Variants in MTHFD1L observed in about 807,000 individuals in gnomAD.
The protein encoded by MTHFD1L is methylenetetrahydrofolate dehydrogenase (NADP+ dependent) 1 like.
Under a neutral mutation model 119.5 loss-of-function variants are expected in MTHFD1L, and 81 were observed. The observed-to-expected ratio is 0.68, with a 90% CI of 0.57 to 0.82. The LOEUF (loss-of-function observed/expected upper bound fraction) is 0.82, where lower values mean the gene tolerates loss of function less well. Among genes scored for constraint, MTHFD1L ranks in the 40% least tolerant of loss-of-function variants. MTHFD1L has a pLI of 0.00. For synonymous variants in MTHFD1L, 430 were observed against 475.2 expected, an observed-to-expected ratio of 0.90 and a Z score of 1.24; for missense variants, 1,125 against 1,253.4, an observed-to-expected ratio of 0.90 and a Z score of 1.55.
chr6:151,045,620 G>A (rs182753314), intron 26 of MTHFD1L, among the ~76,000 whole-genome samples: 49 of 152,326 alleles, frequency 3.2e-4, no homozygotes, highest in Middle Eastern at 3.4e-3. Flanking sequence ...CCATGAGCCT[G>A]TCCTCTCCAT....
At chr6:150,911,023 A>G (rs1786794389) in intron 8 of MTHFD1L, among the ~76,000 whole-genome samples, 1 of 152,144 alleles carries the variant, frequency 6.6e-6, no homozygotes, top group African/African-American at 2.4e-5. Context: ...AATCCATTGT[A>G]CCTATCACTG....
chr6:150,999,072 G>C (rs1186271386), intron 20 of MTHFD1L, among the ~76,000 whole-genome samples: 1 of 151,278 alleles, frequency 6.6e-6, no homozygotes, highest in African/African-American at 2.4e-5. Flanking sequence ...TTCATGTTTA[G>C]ACAGGGGTCC....
chr6:150,959,777 G>A (rs533152408), intron 17 of MTHFD1L, among the ~76,000 whole-genome samples: 5 of 152,258 alleles, frequency 3.3e-5, no homozygotes, highest in Non-Finnish European at 7.4e-5. Context: ...CAAGGGAGGT[G>A]GCCCGTAGGC....
At chr6:151,090,342 G>T (rs1794260619) in intron 26 of MTHFD1L, among the ~76,000 whole-genome samples, 3 of 152,236 alleles carry the variant, frequency 2.0e-5, no homozygotes, top group South Asian at 4.1e-4. Context: ...AGTGAGGAAG[G>T]GTGGCTGGAG....
intron 8 of MTHFD1L, among the ~76,000 whole-genome samples, chr6:150,911,260 C>G (rs1786834390): frequency 6.6e-6 from 1 of 152,100 alleles, no homozygotes; most frequent in Non-Finnish European, 1.5e-5. Context: ...TTACTAATAG[C>G]TTATTAGTAT....
chr6:151,044,623 G>C (rs1409247725), intron 26 of MTHFD1L, among the ~76,000 whole-genome samples: 1 of 152,034 alleles, frequency 6.6e-6, no homozygotes, highest in Non-Finnish European at 1.5e-5. Flanking sequence ...TTTTCCTCCT[G>C]TCGGGATTGG....
At chr6:150,914,233 G>A (rs959240681) in intron 8 of MTHFD1L, among the ~76,000 whole-genome samples, 3 of 152,180 alleles carry the variant, frequency 2.0e-5, no homozygotes, top group Non-Finnish European at 4.4e-5. Context: ...GGAGGCGGGG[G>A]TTACAGGGAG....
At chr6:150,971,384 T>C (rs1797981948) in intron 19 of MTHFD1L, among the ~76,000 whole-genome samples, 1 of 152,186 alleles carries the variant, frequency 6.6e-6, no homozygotes, top group Non-Finnish European at 1.5e-5. Context: ...GTATTTTTAG[T>C]AGAGACGGGT....
intron 11 of MTHFD1L, among the ~76,000 whole-genome samples, chr6:150,934,433 C>G (rs530966677): frequency 1.6e-4 from 24 of 152,170 alleles, no homozygotes; most frequent in Non-Finnish European, 2.9e-4. Flanking sequence ...ATTTCCCTGT[C>G]TTAGTGTTTG....
At chr6:150,911,289 AT>A (rs1369021240) in intron 8 of MTHFD1L, among the ~76,000 whole-genome samples, 1 of 152,196 alleles carries the variant, frequency 6.6e-6, no homozygotes, top group Non-Finnish European at 1.5e-5. Context: ...TAATATTTTA[AT>A]TTTTTTAATC....
chr6:150,926,804 T>C lies in MTHFD1L; in HGVS notation c.1256+509T>C, dbSNP rs1018400093. Among the ~76,000 whole-genome samples, 2 of 152,182 alleles carry C rather than the reference T, an allele frequency of 1.3e-5. No individual in the cohort carries two copies. The highest frequency in any genetic ancestry group is 4.8e-5 in the African/African-American group (2 of 41,422). The stretch of plus-strand genomic sequence containing the variant: ...CAAAACTAATGTTGGGCCATTTTCA[T>C]TTGTGTTGGTTATTTTATAAAAGAC... On this transcript the variant is annotated intron_variant, in intron 11 of 27. Transcript: ENST00000367321. The surrounding 1 kb of genome is among the most constrained non-coding windows in gnomAD (Gnocchi z 4.3).
intron 7 of MTHFD1L, among the ~76,000 whole-genome samples, chr6:150,901,741 T>A (rs1010424567): frequency 6.6e-6 from 1 of 152,192 alleles, no homozygotes; most frequent in Non-Finnish European, 1.5e-5. Context: ...TGTCTTTAGT[T>A]ATTGTAATTT....
intron 26 of MTHFD1L, among the ~76,000 whole-genome samples, chr6:151,055,504 C>A (rs1789752918): frequency 6.6e-6 from 1 of 151,672 alleles, no homozygotes; most frequent in Non-Finnish European, 1.5e-5. Flanking sequence ...ATATTATATA[C>A]TATGTTTGTG....
At chr6:151,048,449 G>A (rs1788452254) in intron 26 of MTHFD1L, among the ~76,000 whole-genome samples, 3 of 152,140 alleles carry the variant, frequency 2.0e-5, no homozygotes, top group Admixed American at 2.0e-4. Flanking sequence ...CCCACAATGG[G>A]AAGTCCAGTG....
At chr6:150,935,917 G>A (rs992825478) in intron 11 of MTHFD1L, among the ~76,000 whole-genome samples, 1 of 152,168 alleles carries the variant, frequency 6.6e-6, no homozygotes, top group African/African-American at 2.4e-5. Context: ...TGCTTGTGAT[G>A]TACTAAAGAA....
At chr6:150,973,984 G>C (rs1184254336) in intron 20 of MTHFD1L, among the ~76,000 whole-genome samples, 18 of 152,320 alleles carry the variant, frequency 1.2e-4, no homozygotes, top group Non-Finnish European at 4.4e-5. Flanking sequence ...ACTATGTTCA[G>C]GTCAGCAATT....
intron 11 of MTHFD1L, among the ~76,000 whole-genome samples, chr6:150,934,041 C>G (rs192532199): frequency 2.4e-4 from 36 of 152,240 alleles, no homozygotes; most frequent in Non-Finnish European, 2.4e-4. Flanking sequence ...GGTGCACTGT[C>G]CTTGGGTGAT....
In MTHFD1L at chr6:150,903,215, T is replaced by C. The variant is rs1008446551; in HGVS notation, c.781-2435T>C. ...TATTGGCTGCAAAATTTTTTTTTTT[T>C]TTTTTTTTTTTTTTTTTTTTGAGAC... On this transcript the variant is annotated intron_variant, in intron 7 of 27. Coordinates refer to ENST00000367321, the MANE Select transcript of MTHFD1L (RefSeq NM_015440.5). Among the ~76,000 whole-genome samples the C allele has an allele frequency of 7.0e-3, 920 of 131,968 alleles. 21 individuals are homozygous for C. Among genetic ancestry groups the C allele is most frequent in the Admixed American group, 0.013 (170 of 12,996 alleles). 86.6% of individuals were successfully genotyped at this position (131,968 alleles called of 152,430 possible).
chr6:150,957,026 T>C (rs1031804411), intron 17 of MTHFD1L, among the ~76,000 whole-genome samples: 2 of 152,210 alleles, frequency 1.3e-5, no homozygotes, highest in African/African-American at 2.4e-5. Context: ...GATTGATGAT[T>C]AAAAGGACAG....
Sources: gnomAD v4.1 joint callset for allele counts (sites outside exome capture counted in the v4.1 genomes callset) on GRCh38, gnomAD v4.1.1 for gene constraint, Gnocchi (gnomAD v3.1) non-coding constraint, MANE v1.5 for transcripts, NCBI Gene and HGNC (gene_info 2026-07-23, HGNC 2026-07-21) for gene names.